Variants in ABCD3 observed in about 807,000 individuals in gnomAD.
ABCD3 encodes the protein ATP-binding cassette sub-family D member 3.
ABCD3 carries 41 observed loss-of-function variants against 105.5 expected under a neutral mutation model. That is an observed-to-expected ratio of 0.39 (90% CI 0.30 to 0.50). ABCD3 has a LOEUF of 0.50. ABCD3 is among the 20% of genes least tolerant of loss of function. The pLI is 0.84. For missense variants in ABCD3, 622 were observed against 806.3 expected, an observed-to-expected ratio of 0.77 and a Z score of 2.77; for synonymous variants, 258 against 269.0, an observed-to-expected ratio of 0.96 and a Z score of 0.40.
intron 1 of ABCD3, among the ~76,000 whole-genome samples, chr1:94,422,416 C>T (rs542195804): frequency 6.6e-6 from 1 of 152,326 alleles, no homozygotes; most frequent in South Asian, 2.1e-4. Context: ...CAGTTTCATC[C>T]TGAAACCATC....
At chr1:94,492,849 A>G (rs1225553037) in intron 16 of ABCD3, among the ~76,000 whole-genome samples, 4 of 152,220 alleles carry the variant, frequency 2.6e-5, no homozygotes, top group African/African-American at 7.2e-5. Flanking sequence ...ATTATGGTCC[A>G]TAATAATATT....
chr1:94,472,159 TA>T (rs761575180), intron 4 of ABCD3: 171 of 916,084 alleles, frequency 1.9e-4, no homozygotes, highest in Non-Finnish European at 2.1e-4. Context: ...TTTTGTTAAT[TA>T]TTTTTTTTGC....
At chr1:94,391,498 G>A in the ABCD3 span, among the ~76,000 whole-genome samples, 1 of 152,192 alleles carries the variant, frequency 6.6e-6, no homozygotes, top group East Asian at 1.9e-4. Flanking sequence ...CCTGCCATTT[G>A]ACCTCTTCCA....
At chr1:94,506,307 C>CT (rs1557691618) in intron 20 of ABCD3, among the ~76,000 whole-genome samples, 1 of 151,948 alleles carries the variant, frequency 6.6e-6, no homozygotes, top group East Asian at 1.9e-4. Context: ...GTGTTTTACT[C>CT]TGAGCAATTA....
chr1:94,436,029 T>A (rs1274854318), intron 1 of ABCD3, among the ~76,000 whole-genome samples: 4 of 152,218 alleles, frequency 2.6e-5, no homozygotes, highest in African/African-American at 9.6e-5. Context: ...TGTTCCAGGC[T>A]CCTCTTAGAC....
At chr1:94,463,286 G>A (rs1429639299) in intron 2 of ABCD3, among the ~76,000 whole-genome samples, 3 of 152,112 alleles carry the variant, frequency 2.0e-5, no homozygotes, top group African/African-American at 7.2e-5. Flanking sequence ...TATAAACACA[G>A]TGCCTTCAGA....
At chr1:94,398,187 A>G in the ABCD3 span, among the ~76,000 whole-genome samples, 4 of 152,128 alleles carry the variant, frequency 2.6e-5, no homozygotes, top group Admixed American at 6.5e-5. Flanking sequence ...TTTTATTTCT[A>G]TATCATCTAT....
chr1:94,395,536 C>T, the ABCD3 span, among the ~76,000 whole-genome samples: 7 of 152,140 alleles, frequency 4.6e-5, no homozygotes, highest in South Asian at 2.1e-4. Context: ...GGAATAAGTC[C>T]GTCAGCCTTT....
intron 10 of ABCD3, among the ~76,000 whole-genome samples, chr1:94,487,316 T>C (rs746910713): frequency 1.3e-5 from 2 of 152,224 alleles, no homozygotes; most frequent in Non-Finnish European, 2.9e-5. Context: ...ATTTCCATGC[T>C]GTTTGCATAA....
intron 1 of ABCD3, among the ~76,000 whole-genome samples, chr1:94,436,379 T>C (rs1376765600): frequency 6.6e-6 from 1 of 152,258 alleles, no homozygotes; most frequent in Admixed American, 6.5e-5. Flanking sequence ...CTTTACACAC[T>C]CAGTGTTCTC....
chr1:94,507,138 CCCTT>C (rs1650403033), intron 21 of ABCD3, among the ~76,000 whole-genome samples: 1 of 152,094 alleles, frequency 6.6e-6, no homozygotes, highest in Middle Eastern at 3.4e-3. Context: ...TATCCCTCCC[CCCTT>C]CCCCCACCCC....
At chr1:94,420,146 A>G (rs1659202797) in intron 1 of ABCD3, among the ~76,000 whole-genome samples, 1 of 152,176 alleles carries the variant, frequency 6.6e-6, no homozygotes, top group African/African-American at 2.4e-5. Flanking sequence ...TACATGCCAC[A>G]TACATATAGT....
chr1:94,458,733 A>C, intron 2 of ABCD3, 90 bp downstream of exon 2: 1 of 1,322,944 alleles, frequency 7.6e-7, no homozygotes, highest in Non-Finnish European at 1.1e-6. Context: ...TAAATTTTAT[A>C]ATTAGTAGGG....
intron 1 of ABCD3, among the ~76,000 whole-genome samples, chr1:94,443,867 A>C (rs1660229205): frequency 6.6e-6 from 1 of 152,080 alleles, no homozygotes; most frequent in South Asian, 2.1e-4. Flanking sequence ...ATTTTGGTGG[A>C]GATTGCTTCT....
At chr1:94,445,124 T>C (rs1660298597) in intron 1 of ABCD3, among the ~76,000 whole-genome samples, 1 of 152,248 alleles carries the variant, frequency 6.6e-6, no homozygotes, top group African/African-American at 2.4e-5. Flanking sequence ...GAAACAATGC[T>C]TATACTGGCT....
intron 2 of ABCD3, among the ~76,000 whole-genome samples, chr1:94,464,166 T>C (rs184834534): frequency 3.2e-4 from 48 of 152,296 alleles, no homozygotes; most frequent in African/African-American, 1.1e-3. Context: ...TTTCTCCCGC[T>C]AGAATGTGAG....
chr1:94,480,863 T>G (rs1648997722), intron 9 of ABCD3, among the ~76,000 whole-genome samples: 1 of 152,240 alleles, frequency 6.6e-6, no homozygotes, highest in South Asian at 2.1e-4. Flanking sequence ...TTAATTTTAC[T>G]TCAGACATAA....
chr1:94,387,270 G>T, the ABCD3 span, among the ~76,000 whole-genome samples: 1 of 152,164 alleles, frequency 6.6e-6, no homozygotes, highest in Non-Finnish European at 1.5e-5. Context: ...TGAGTAGTTT[G>T]AAATAGTCCA....
chr1:94,407,732 G>A, the ABCD3 span, among the ~76,000 whole-genome samples: 2 of 152,176 alleles, frequency 1.3e-5, no homozygotes, highest in East Asian at 1.9e-4. Flanking sequence ...CTGCTAAAGC[G>A]ATGGTCAGCA....
Sources: gnomAD v4.1 joint callset for allele counts (sites outside exome capture counted in the v4.1 genomes callset) on GRCh38, gnomAD v4.1.1 for gene constraint, MANE v1.5 for transcripts, NCBI Gene and HGNC (gene_info 2026-07-23, HGNC 2026-07-21) for gene names.